HEMK2: variants seen among roughly 807,000 people sequenced by gnomAD.
The protein encoded by HEMK2 is HemK methyltransferase 2, ETF1 glutamine and histone H4 lysine.
the HEMK2 span, among the ~76,000 whole-genome samples, chr21:28,840,989 A>C: frequency 9.0e-6 from 1 of 111,566 alleles, no homozygotes; most frequent in African/African-American, 3.4e-5. Context: ...ACACTGTGAT[A>C]GATACATATA....
the HEMK2 span, among the ~76,000 whole-genome samples, chr21:28,621,048 T>C: frequency 2.0e-5 from 3 of 152,088 alleles, no homozygotes; most frequent in Non-Finnish European, 2.9e-5. Context: ...CCTGGAATCA[T>C]TGATTTTTTT....
At chr21:28,769,689 T>G in the HEMK2 span, among the ~76,000 whole-genome samples, 15 of 152,178 alleles carry the variant, frequency 9.9e-5, no homozygotes, top group Admixed American at 2.0e-4. Context: ...TGAACTGAAA[T>G]TTTTCTTAAC....
chr21:28,768,335 C>G, the HEMK2 span, among the ~76,000 whole-genome samples: 3 of 152,106 alleles, frequency 2.0e-5, no homozygotes, highest in African/African-American at 7.2e-5. Context: ...ACTGGGGATT[C>G]TTACTGTGTA....
chr21:28,803,730 T>C, the HEMK2 span, among the ~76,000 whole-genome samples: 1 of 152,242 alleles, frequency 6.6e-6, no homozygotes, highest in South Asian at 2.1e-4. Flanking sequence ...ATAGATTTTC[T>C]GTTCCTTACC....
the HEMK2 span, among the ~76,000 whole-genome samples, chr21:28,728,580 C>A: frequency 6.6e-6 from 1 of 151,998 alleles, no homozygotes; most frequent in African/African-American, 2.4e-5. Context: ...AGCTACAGAC[C>A]ACAGGGGGTG....
the HEMK2 span, among the ~76,000 whole-genome samples, chr21:28,784,999 A>C: frequency 6.6e-6 from 1 of 152,160 alleles, no homozygotes; most frequent in Non-Finnish European, 1.5e-5. Context: ...CCATGAACCC[A>C]CTGGGAGAAA....
At chr21:28,700,592 C>T in the HEMK2 span, among the ~76,000 whole-genome samples, 6 of 152,156 alleles carry the variant, frequency 3.9e-5, no homozygotes, top group Non-Finnish European at 4.4e-5. Flanking sequence ...CAAGATTAAA[C>T]CAGAAATAAA....
chr21:28,841,241 TA>T, the HEMK2 span, among the ~76,000 whole-genome samples: 6 of 9,286 alleles, frequency 6.5e-4, 1 homozygote, highest in East Asian at 0.056. Context: ...TATATATTTA[TA>T]TATATAATAT....
chr21:28,627,479 G>A, the HEMK2 span, among the ~76,000 whole-genome samples: 8 of 152,224 alleles, frequency 5.3e-5, no homozygotes, highest in East Asian at 5.8e-4. Flanking sequence ...GCCTCCCCAC[G>A]TTTCAATATC....
At chr21:28,783,287 C>A in the HEMK2 span, among the ~76,000 whole-genome samples, 1 of 152,018 alleles carries the variant, frequency 6.6e-6, no homozygotes, top group African/African-American at 2.4e-5. Flanking sequence ...TGGGTTCAAG[C>A]AATTCTCCTG....
the HEMK2 span, among the ~76,000 whole-genome samples, chr21:28,882,696 C>T: frequency 6.6e-6 from 1 of 152,136 alleles, no homozygotes; most frequent in African/African-American, 2.4e-5. Flanking sequence ...TACTTTTCTA[C>T]ATTCCCAATC....
the HEMK2 span, among the ~76,000 whole-genome samples, chr21:28,708,883 T>C: frequency 6.6e-6 from 1 of 152,274 alleles, no homozygotes; most frequent in East Asian, 1.9e-4. Context: ...AGGTTATATG[T>C]GTAAATGAAG....
the HEMK2 span, among the ~76,000 whole-genome samples, chr21:28,772,710 A>T: frequency 2.0e-5 from 3 of 152,124 alleles, no homozygotes; most frequent in Non-Finnish European, 4.4e-5. Flanking sequence ...GCTAATTCAG[A>T]TACCAATTCC....
the HEMK2 span, among the ~76,000 whole-genome samples, chr21:28,884,013 G>T: frequency 5.9e-5 from 9 of 152,302 alleles, no homozygotes; most frequent in Admixed American, 2.0e-4. Flanking sequence ...AGCTCCAGAG[G>T]TTTTAAACTT....
At chr21:28,773,863 C>T in the HEMK2 span, among the ~76,000 whole-genome samples, 1 of 152,084 alleles carries the variant, frequency 6.6e-6, no homozygotes, top group Admixed American at 6.5e-5. Flanking sequence ...GAAAACTGCT[C>T]CCAAGCTGCA....
the HEMK2 span, among the ~76,000 whole-genome samples, chr21:28,693,073 G>T: frequency 2.6e-5 from 4 of 152,152 alleles, no homozygotes; most frequent in Admixed American, 2.6e-4. Context: ...GAATTAGATA[G>T]TGGTGATGAT....
the HEMK2 span, among the ~76,000 whole-genome samples, chr21:28,682,599 A>G: frequency 6.6e-6 from 1 of 152,234 alleles, no homozygotes; most frequent in Non-Finnish European, 1.5e-5. Flanking sequence ...AGACACATGC[A>G]CACGTATATT....
At chr21:28,586,119 A>G in the HEMK2 span, among the ~76,000 whole-genome samples, 3 of 152,326 alleles carry the variant, frequency 2.0e-5, no homozygotes, top group South Asian at 4.1e-4. Flanking sequence ...GAAATGGTGC[A>G]TTTGCAATAA....
chr21:28,665,387 A>ATTTT, the HEMK2 span, among the ~76,000 whole-genome samples: 1 of 14,412 alleles, frequency 6.9e-5, no homozygotes, highest in African/African-American at 3.8e-4. Context: ...TTTTTTTTTA[A>ATTTT]TTTTTTTTTT....
Sources: allele counts gnomAD v4.1 joint callset (sites outside exome capture counted in the v4.1 genomes callset), GRCh38; gene constraint gnomAD v4.1.1; transcripts MANE v1.5; gene names NCBI Gene and HGNC (gene_info 2026-07-23, HGNC 2026-07-21).